The following TRPM3 variants were observed in gnomAD, a reference collection of about 807,000 sequenced individuals.
TRPM3 encodes transient receptor potential cation channel subfamily M member 3.
A neutral mutation model predicts 181.2 loss-of-function variants in TRPM3; 77 were observed. The observed-to-expected ratio is 0.42, with a 90% CI of 0.35 to 0.51. The LOEUF (loss-of-function observed/expected upper bound fraction) is 0.51, where lower values mean the gene tolerates loss of function less well. Among genes scored for constraint, TRPM3 ranks in the 20% least tolerant of loss-of-function variants. TRPM3 has a pLI of 0.01. For synonymous variants in TRPM3, 745 were observed against 796.4 expected, an observed-to-expected ratio of 0.94 and a Z score of 1.09; for missense variants, 1,759 against 2,196.7, an observed-to-expected ratio of 0.80 and a Z score of 3.98.
chr9:70,898,747 C>CAAAAAAAAAAAAAAAAAA (rs34952516), intron 1 of TRPM3, among the ~76,000 whole-genome samples: 2 of 93,354 alleles, frequency 2.1e-5, no homozygotes, highest in Admixed American at 1.2e-4. Flanking sequence ...GACTTCATCT[C>CAAAAAAAAAAAAAAAAAA]AAAAAAAAAA....
At chr9:70,549,782 G>T (rs2046019095) in intron 24 of TRPM3, 108 bp from the exon 25 acceptor site, 13 of 1,180,128 alleles carry the variant, frequency 1.1e-5, no homozygotes, top group African/African-American at 1.6e-5. Context: ...GGGAAAAGGG[G>T]CCTAGATTCC....
At chr9:70,958,301 GATAATAATGATT>G (rs947410621) in intron 1 of TRPM3, among the ~76,000 whole-genome samples, 2 of 151,586 alleles carry the variant, frequency 1.3e-5, no homozygotes, top group Non-Finnish European at 2.9e-5. Flanking sequence ...CTCCTTTGAT[GATAATAATGATT>G]ATAATAATAA....
intron 1 of TRPM3, among the ~76,000 whole-genome samples, chr9:71,047,826 A>T (rs1017939028): frequency 9.6e-6 from 1 of 103,680 alleles, no homozygotes; most frequent in African/African-American, 2.7e-5. Flanking sequence ...ACACACACAC[A>T]CACACACACA....
chr9:71,433,543 C>A (rs2093989042), intron 1 of TRPM3, among the ~76,000 whole-genome samples: 1 of 152,180 alleles, frequency 6.6e-6, no homozygotes, highest in African/African-American at 2.4e-5. Context: ...TTATTTGCAG[C>A]ATGAAAACAA....
At chr9:71,356,741 C>A (rs1004363186) in intron 1 of TRPM3, among the ~76,000 whole-genome samples, 3 of 152,106 alleles carry the variant, frequency 2.0e-5, no homozygotes, top group African/African-American at 7.2e-5. Flanking sequence ...TGAGAGATTT[C>A]TGCCATTTTC....
At chr9:70,846,057 G>T (rs2132065234) in intron 4 of TRPM3, among the ~76,000 whole-genome samples, 1 of 152,312 alleles carries the variant, frequency 6.6e-6, no homozygotes, top group South Asian at 2.1e-4. Flanking sequence ...ATTTAAAGCA[G>T]AAGTCATTCC....
intron 1 of TRPM3, among the ~76,000 whole-genome samples, chr9:71,164,513 A>C (rs936691486): frequency 1.3e-5 from 2 of 152,076 alleles, no homozygotes; most frequent in African/African-American, 4.8e-5. Flanking sequence ...CTGAAGGAAA[A>C]AATGGTTGTG....
chr9:71,436,060 G>A (rs2094029635), intron 1 of TRPM3, among the ~76,000 whole-genome samples: 1 of 152,112 alleles, frequency 6.6e-6, no homozygotes, highest in Non-Finnish European at 1.5e-5. Flanking sequence ...GGAGATAATT[G>A]AATCATGGGG....
intron 1 of TRPM3, among the ~76,000 whole-genome samples, chr9:71,409,524 T>C (rs1186564165): frequency 6.6e-6 from 1 of 152,184 alleles, no homozygotes; most frequent in Non-Finnish European, 1.5e-5. Flanking sequence ...GGCCATTACA[T>C]AATGGTAAAA....
At chr9:70,898,747 C>CAAAAAAAAAAAAAAAA (rs34952516) in intron 1 of TRPM3, among the ~76,000 whole-genome samples, 3 of 93,354 alleles carry the variant, frequency 3.2e-5, no homozygotes, top group South Asian at 3.8e-4. Flanking sequence ...GACTTCATCT[C>CAAAAAAAAAAAAAAAA]AAAAAAAAAA....
chr9:70,754,180 C>T (rs962456485), intron 8 of TRPM3, among the ~76,000 whole-genome samples: 1 of 152,140 alleles, frequency 6.6e-6, no homozygotes, highest in African/African-American at 2.4e-5. Context: ...CCCTCTGGAA[C>T]ATAAGGCTCT....
chr9:71,364,160 C>CGAA (rs1490438263), intron 1 of TRPM3, among the ~76,000 whole-genome samples: 3 of 149,432 alleles, frequency 2.0e-5, no homozygotes, highest in African/African-American at 4.9e-5. Flanking sequence ...GCAGAGCATA[C>CGAA]GAAAACAAGA....
intron 8 of TRPM3, among the ~76,000 whole-genome samples, chr9:70,746,674 T>C (rs1564103215): frequency 6.6e-6 from 1 of 152,080 alleles, no homozygotes; most frequent in Non-Finnish European, 1.5e-5. Context: ...GGTATAACTA[T>C]ATTTATCACA....
chr9:71,322,145 C>T (rs1427866288), intron 1 of TRPM3, among the ~76,000 whole-genome samples: 1 of 151,994 alleles, frequency 6.6e-6, no homozygotes, highest in East Asian at 1.9e-4. Context: ...TGTTACAATC[C>T]AAGTACAGAC....
chr9:71,039,429 G>T (rs2058579590), intron 1 of TRPM3, among the ~76,000 whole-genome samples: 3 of 152,158 alleles, frequency 2.0e-5, no homozygotes, highest in Non-Finnish European at 4.4e-5. Context: ...ATCAGTAGAT[G>T]CTTTTTAATA....
intron 1 of TRPM3, among the ~76,000 whole-genome samples, chr9:71,265,806 T>C (rs535190423): frequency 1.2e-4 from 19 of 152,374 alleles, no homozygotes; most frequent in African/African-American, 4.3e-4. Context: ...ATTAGACTAC[T>C]GTCATCACCT....
intron 1 of TRPM3, among the ~76,000 whole-genome samples, chr9:70,919,508 G>C (rs951271996): frequency 6.6e-6 from 1 of 152,164 alleles, no homozygotes; most frequent in African/African-American, 2.4e-5. Flanking sequence ...TCCTGGCCAG[G>C]CACGGTGGTT....
chr9:71,117,859 C>T (rs1565234614), intron 1 of TRPM3, among the ~76,000 whole-genome samples: 1 of 152,150 alleles, frequency 6.6e-6, no homozygotes. Context: ...CCAATGCAAC[C>T]CATTTTTCAG....
intron 22 of TRPM3, among the ~76,000 whole-genome samples, chr9:70,571,131 C>A (rs191358328): frequency 2.6e-5 from 4 of 152,244 alleles, no homozygotes; most frequent in Admixed American, 2.6e-4. Context: ...GCAGCAAAAG[C>A]TTATCTCATT....
Sources: gnomAD v4.1 joint callset for allele counts (sites outside exome capture counted in the v4.1 genomes callset) on GRCh38, gnomAD v4.1.1 for gene constraint, MANE v1.5 for transcripts, NCBI Gene and HGNC (gene_info 2026-07-23, HGNC 2026-07-21) for gene names.